The following FAM234A variants were observed in gnomAD, a reference collection of about 807,000 sequenced individuals.
The protein encoded by FAM234A is family with sequence similarity 234 member A.
Under a neutral mutation model 49.1 loss-of-function variants are expected in FAM234A, and 42 were observed. The observed-to-expected ratio is 0.86, with a 90% CI of 0.67 to 1.11. The LOEUF (loss-of-function observed/expected upper bound fraction) is 1.11, where lower values mean the gene tolerates loss of function less well. Among genes scored for constraint, FAM234A ranks in the 50% least tolerant of loss-of-function variants. The pLI is 0.00. For synonymous variants in FAM234A, 369 were observed against 316.2 expected (o/e 1.17, Z -1.77); for missense variants, 815 against 745.2 (o/e 1.09, Z -1.09).
At position 260,125 on chromosome 16, in the gene FAM234A, G is replaced by A. The variant is rs760760566; in HGVS notation, c.542G>A (p.Arg181Lys). Residue 181 changes from arginine (R) to lysine (K), a missense_variant, in exon 5 of 13, where the codon AGA (arginine) becomes AAA (lysine). By Grantham distance (26) the Arg-to-Lys change is conservative. Coordinates refer to ENST00000399932, the MANE Select transcript of FAM234A (RefSeq NM_032039.4). The stretch of plus-strand genomic sequence containing the variant: ...CCTTCTGCCTGCATCCTGGTGGGCA[G>A]ACCCAGTTCTTTCATTGCAGTCAAC... ...EAPSACILVG[R>K]PSSFIAVNLF... 1 of 1,613,904 alleles carries A rather than the reference G, an allele frequency of 6.2e-7. No individual in the cohort carries two copies. The highest frequency in any genetic ancestry group is 8.5e-7 in the Non-Finnish European group (1 of 1,180,044).
At chr16:267,589 CGTGCT>C (rs1345836151), downstream of FAM234A, among the ~76,000 whole-genome samples, 162 of 149,882 alleles carry the variant, frequency 1.1e-3, 1 homozygote, top group African/African-American at 3.5e-3. Context: ...CACAATCACA[CGTGCT>C]ATGCGTACAC....
In FAM234A at chr16:247,426, G is replaced by T. The variant is rs147420376; in HGVS notation, c.-139-2123G>T. On this transcript the variant is annotated intron_variant, in intron 1 of 12. Transcript: ENST00000399932. Reference sequence around the variant, plus strand: ...TTATAGACATGAGACAACACTCCCAGCCTTATTAATGATTTTTTTTTTTTA... The same window carrying T: ...TTATAGACATGAGACAACACTCCCATCCTTATTAATGATTTTTTTTTTTTA... 5.5e-4 allele frequency among the ~76,000 whole-genome samples: 83 copies of T among 151,796 alleles called. 1 individual carries two copies. The highest frequency in any genetic ancestry group is 2.0e-3 in the African/African-American group (82 of 41,224).
chr16:263,225 G>C (rs560569016), intron 8 of FAM234A, 37 bp from the exon 9 acceptor site: 2 of 1,602,410 alleles, frequency 1.2e-6, no homozygotes, highest in African/African-American at 1.3e-5. Context: ...GGCCGCCCCG[G>C]GGACCCGGCG....
downstream of FAM234A, among the ~76,000 whole-genome samples, chr16:266,564 G>A (rs541892505): frequency 4.6e-5 from 7 of 152,262 alleles, no homozygotes; most frequent in African/African-American, 1.7e-4. Context: ...GCTTTAGAGA[G>A]CCCTGCAGGA....
chr16:235,062 G>C (rs1203745675), intron 1 of FAM234A, among the ~76,000 whole-genome samples: 1 of 152,226 alleles, frequency 6.6e-6, no homozygotes, highest in Non-Finnish European at 1.5e-5. Flanking sequence ...CAGCGGGTCG[G>C]CAGCAGCGCC....
At chr16:248,092 A>G (rs1174265034) in intron 1 of FAM234A, among the ~76,000 whole-genome samples, 1 of 151,994 alleles carries the variant, frequency 6.6e-6, no homozygotes, top group African/African-American at 2.4e-5. Flanking sequence ...CCTCACACGT[A>G]TGTGATATGT....
downstream of FAM234A, chr16:268,720 G>A: frequency 1.3e-6 from 2 of 1,523,932 alleles, no homozygotes; most frequent in South Asian, 2.4e-5. Flanking sequence ...CGCAGCTCCG[G>A]AAGGCAGTGA....
intron 2 of FAM234A, chr16:254,154 G>C: frequency 4.0e-6 from 2 of 498,872 alleles, no homozygotes; most frequent in Non-Finnish European, 3.6e-6. Flanking sequence ...CTGCCTGCTG[G>C]CTCTCCACAG....
rs375392908 is a variant in FAM234A, at chr16:264,667, C to T, written c.1398C>T (p.Arg466=). The T allele has an allele frequency of 9.3e-6, 15 of 1,612,016 alleles. No homozygotes were observed. The highest frequency in any genetic ancestry group is 6.7e-5 in the Admixed American group (4 of 60,008). ...ACATGTTCCACCCCACCCTGCCGCG[C>T]GTGCTGCTGGAGCTGGCCAATGTCT... is the stretch of plus-strand genomic sequence containing the variant. The part of the protein sequence containing the change: ...SLYMFHPTLP[R]VLLELANVST... Residue 466 remains arginine (R), a synonymous_variant, in exon 12 of 13, where the codon CGC becomes CGT. Coordinates refer to ENST00000399932, the MANE Select transcript of FAM234A (RefSeq NM_032039.4).
At chr16:241,534 A>T (rs1363428258) in intron 1 of FAM234A, among the ~76,000 whole-genome samples, 1 of 151,646 alleles carries the variant, frequency 6.6e-6, no homozygotes, top group Non-Finnish European at 1.5e-5. Context: ...GGCTGCAGTG[A>T]GCCATGATTG....
Position 265,756 on chromosome 16 carries a change from G to A in FAM234A, c.*734G>A, listed in dbSNP as rs978438850. ...TGTTGCAGCTGTCTACTGGCTGCAT[G>A]TGCTGTGAATATCCCAAGGAACTGG... On this transcript the variant is annotated 3_prime_UTR_variant, in exon 13 of 13. Coordinates refer to ENST00000399932, the MANE Select transcript of FAM234A (RefSeq NM_032039.4). The A allele has an allele frequency of 1.0e-6, 1 of 985,616 alleles. No individual in the cohort carries two copies. Among genetic ancestry groups the A allele is most frequent in the Non-Finnish European group, 1.2e-6 (1 of 830,180 alleles). The allele number at this position is 985,616 out of a possible 1,614,324, so 61.1% of individuals were successfully genotyped here. A position where few individuals can be genotyped will look rare whatever the true frequency, so the allele number is the denominator to read the frequency against.
At chr16:241,081 G>A (rs1396984213) in intron 1 of FAM234A, among the ~76,000 whole-genome samples, 1 of 151,756 alleles carries the variant, frequency 6.6e-6, no homozygotes, top group Non-Finnish European at 1.5e-5. Flanking sequence ...CACCATACCC[G>A]GCTAGTTTTT....
At chr16:254,146 G>T in intron 2 of FAM234A, 1 of 479,644 alleles carries the variant, frequency 2.1e-6, no homozygotes, top group East Asian at 3.9e-5. Context: ...AATAGTTCCT[G>T]CCTGCTGGCT....
At chr16:262,069 C>T (rs767330369) in intron 6 of FAM234A, 24 bp from the exon 7 acceptor site, 4 of 1,611,084 alleles carry the variant, frequency 2.5e-6, no homozygotes, top group African/African-American at 1.3e-5. Flanking sequence ...CCCTCTCTTC[C>T]TGTGTCATCC....
At chr16:269,446 G>A (rs1165883482), downstream of FAM234A, 3 of 1,596,124 alleles carry the variant, frequency 1.9e-6, no homozygotes, top group Non-Finnish European at 2.6e-6. Flanking sequence ...CCTCACTGCA[G>A]GGCCCCAGCA....
chr16:252,153 G>A lies in FAM234A; in HGVS notation c.-33-2228G>A, dbSNP rs992639323. On this transcript the variant is annotated intron_variant, in intron 2 of 12. Transcript: ENST00000399932. ...ACTGGCATTACAGGCATGAGCCACC[G>A]TGCTGGCCATGTCTCTGTTTTTCTG... Among the ~76,000 whole-genome samples, 64 of 150,300 alleles carry A rather than the reference G, an allele frequency of 4.3e-4. 1 individual carries two copies. Among genetic ancestry groups the A allele is most frequent in the East Asian group, 2.2e-3 (11 of 5,062 alleles).
In FAM234A at chr16:264,659, C is replaced by T. The variant is rs184542610; in HGVS notation, c.1390C>T (p.Leu464=). 1.9e-6 allele frequency: 3 copies of T among 1,612,068 alleles called. No individual in the cohort carries two copies. The highest frequency in any genetic ancestry group is 1.3e-5 in the African/African-American group (1 of 75,050). ...RHSLYMFHPT[L]PRVLLELANV... ...CAGCCTGTACATGTTCCACCCCACC[C>T]TGCCGCGCGTGCTGCTGGAGCTGGC... The change falls in exon 12 of 13, where the codon CTG becomes TTG. Residue 464 remains leucine (L), a synonymous_variant. Transcript: ENST00000399932.
In FAM234A at chr16:261,438, G is replaced by C; in HGVS notation, c.632G>C (p.Ser211Thr). The C allele has an allele frequency of 6.2e-7, 1 of 1,613,662 alleles. No homozygotes were observed. Among genetic ancestry groups the C allele is most frequent in the Non-Finnish European group, 8.5e-7 (1 of 1,179,926 alleles). The change falls in exon 6 of 13, where the codon AGC becomes ACC. Residue 211 changes from serine (S) to threonine (T), a missense_variant. Coordinates refer to ENST00000399932, the MANE Select transcript of FAM234A (RefSeq NM_032039.4). The stretch of plus-strand genomic sequence containing the variant: ...TTCAGCGGGAATGCGTCCATCCTGA[G>C]CCCTCTGCTGCAGGTGCCTGATGTG... ...SSFSGNASIL[S>T]PLLQVPDVDG...
Position 260,070 on chromosome 16 carries a change from G to A in FAM234A, c.487G>A (p.Ala163Thr), listed in dbSNP as rs1299001256. Residue 163 changes from alanine (A) to threonine (T), a missense_variant, in exon 5 of 13, where the codon GCT (alanine) becomes ACT (threonine). By Grantham distance (58) the Ala-to-Thr change is moderately conservative (BLOSUM62 0). Coordinates refer to ENST00000399932, the MANE Select transcript of FAM234A (RefSeq NM_032039.4). ...VAQDVALVEC[A>T]VPQPRGSEAP... ...CCAAGACGTGGCCCTCGTGGAGTGT[G>A]CTGTGCCCCAGCCAAGAGGCAGTGA... 1.2e-6 allele frequency: 2 copies of A among 1,613,810 alleles called. No homozygotes were observed. Among genetic ancestry groups the A allele is most frequent in the South Asian group, 1.1e-5 (1 of 91,074 alleles).
Sources: gnomAD v4.1 joint callset for allele counts (sites outside exome capture counted in the v4.1 genomes callset) on GRCh38, gnomAD v4.1.1 for gene constraint, MANE v1.5 for transcripts, NCBI Gene and HGNC (gene_info 2026-07-23, HGNC 2026-07-21) for gene names.